The following CNTNAP4 variants were observed in gnomAD, a reference collection of about 807,000 sequenced individuals.
The protein encoded by CNTNAP4 is contactin associated protein family member 4.
In CNTNAP4, 98 loss-of-function variants were observed where a neutral mutation model predicts 148.4. The observed-to-expected ratio is 0.66, with a 90% CI of 0.56 to 0.78. CNTNAP4 has a LOEUF of 0.78. Among genes scored for constraint, CNTNAP4 ranks in the 30% least tolerant of loss-of-function variants. The pLI is 0.00. For synonymous variants in CNTNAP4, 730 were observed against 565.1 expected (o/e 1.29, Z -4.14); for missense variants, 1,935 against 1,565.6 (o/e 1.24, Z -3.98).
rs538499284 is a variant in CNTNAP4, at chr16:76,491,918, A to T, written c.2080+2035A>T. Among the ~76,000 whole-genome samples, 6 of 152,286 alleles carry T rather than the reference A, an allele frequency of 3.9e-5. No individual in the cohort carries two copies. In the South Asian group the frequency reaches 1.2e-3, roughly 32 times the overall value. ...TCAATGGACACTTAGGTTTTTCCGT[A>T]TCTTGGCTATTGTGAATAAAGCTGC... On this transcript the variant is annotated intron_variant, in intron 13 of 23. Transcript: ENST00000611870.
At chr16:76,418,417 C>A (rs1441019704) in intron 3 of CNTNAP4, among the ~76,000 whole-genome samples, 1 of 129,140 alleles carries the variant, frequency 7.7e-6, no homozygotes, top group East Asian at 2.1e-4. Flanking sequence ...TTTTATTATA[C>A]TTTAAGTTCT....
chr16:76,331,395 A>C (rs1316660130), intron 2 of CNTNAP4, among the ~76,000 whole-genome samples: 1 of 151,788 alleles, frequency 6.6e-6, no homozygotes, highest in Non-Finnish European at 1.5e-5. Flanking sequence ...TCACAGTGTT[A>C]GCCAGGATGG....
chr16:76,432,845 C>T (rs945327586), intron 4 of CNTNAP4, among the ~76,000 whole-genome samples: 20 of 152,132 alleles, frequency 1.3e-4, no homozygotes, highest in Admixed American at 9.2e-4. Flanking sequence ...GAACATCCAA[C>T]TGTCAAGCCA....
intron 3 of CNTNAP4, among the ~76,000 whole-genome samples, chr16:76,368,400 C>G (rs1429424375): frequency 1.3e-5 from 2 of 152,086 alleles, no homozygotes; most frequent in Admixed American, 6.6e-5. Flanking sequence ...GCACTATTCA[C>G]AATAGCAAAG....
At chr16:76,488,707 C>T (rs1341327304) in intron 12 of CNTNAP4, among the ~76,000 whole-genome samples, 1 of 152,150 alleles carries the variant, frequency 6.6e-6, no homozygotes, top group Admixed American at 6.5e-5. Context: ...GTTTTCTTGT[C>T]TACTAAATCA....
At chr16:76,481,777 G>A (rs1288707266) in intron 12 of CNTNAP4, among the ~76,000 whole-genome samples, 1 of 152,168 alleles carries the variant, frequency 6.6e-6, no homozygotes, top group Non-Finnish European at 1.5e-5. Flanking sequence ...TCGGGCAGAG[G>A]AAACAGAAAG....
At chr16:76,532,740 C>T (rs944272259) in intron 17 of CNTNAP4, among the ~76,000 whole-genome samples, 2 of 152,064 alleles carry the variant, frequency 1.3e-5, no homozygotes, top group African/African-American at 4.8e-5. Context: ...GGACCTTACC[C>T]AGGGAAGAAA....
chr16:76,548,295 CTTTTTTTT>C (rs66981960), intron 21 of CNTNAP4, among the ~76,000 whole-genome samples: 7 of 92,932 alleles, frequency 7.5e-5, no homozygotes, highest in Non-Finnish European at 1.2e-4. Context: ...TTCACTGCAC[CTTTTTTTT>C]TTTTTTTTTT....
chr16:76,536,184 A>G (rs1306517742), intron 18 of CNTNAP4, among the ~76,000 whole-genome samples: 1 of 152,050 alleles, frequency 6.6e-6, no homozygotes, highest in African/African-American at 2.4e-5. Context: ...AATCATTTAA[A>G]GCATTACTTT....
At chr16:76,435,092 A>G (rs1407289863) in intron 4 of CNTNAP4, among the ~76,000 whole-genome samples, 1 of 152,136 alleles carries the variant, frequency 6.6e-6, no homozygotes, top group Non-Finnish European at 1.5e-5. Context: ...TTAACAGCAT[A>G]CATTGTCAGT....
chr16:76,427,425 G>A (rs1471271367), intron 3 of CNTNAP4, 27 bp from the exon 4 acceptor site: 5 of 1,590,498 alleles, frequency 3.1e-6, no homozygotes, highest in Non-Finnish European at 4.3e-6. Flanking sequence ...CAGATACATT[G>A]ATGTGCTTCT....
At chr16:76,501,660 C>T (rs924141010) in intron 15 of CNTNAP4, among the ~76,000 whole-genome samples, 2 of 152,004 alleles carry the variant, frequency 1.3e-5, no homozygotes, top group Non-Finnish European at 2.9e-5. Context: ...ATGCATGAGA[C>T]GGCTCTCCAC....
chr16:76,482,165 T>C (rs1015776382), intron 12 of CNTNAP4, among the ~76,000 whole-genome samples: 1 of 152,100 alleles, frequency 6.6e-6, no homozygotes, highest in African/African-American at 2.4e-5. Flanking sequence ...TTGTACTTTA[T>C]AAGATACAAT....
chr16:76,424,596 A>G (rs955760210), intron 3 of CNTNAP4, among the ~76,000 whole-genome samples: 1 of 151,976 alleles, frequency 6.6e-6, no homozygotes, highest in Admixed American at 6.6e-5. Context: ...TCTAGTAAAA[A>G]TGCAGAAAAA....
intron 3 of CNTNAP4, among the ~76,000 whole-genome samples, chr16:76,388,268 G>T (rs2016678561): frequency 6.6e-6 from 1 of 152,172 alleles, no homozygotes; most frequent in Non-Finnish European, 1.5e-5. Flanking sequence ...GCATCGTGGA[G>T]TGCCAGGAAT....
chr16:76,317,494 T>G, intron 2 of CNTNAP4, among the ~76,000 whole-genome samples: 1 of 152,202 alleles, frequency 6.6e-6, no homozygotes, highest in East Asian at 1.9e-4. Flanking sequence ...CATCTGCACA[T>G]GCATTGGAGG....
intron 3 of CNTNAP4, among the ~76,000 whole-genome samples, chr16:76,391,697 T>G (rs1165020017): frequency 6.6e-6 from 1 of 152,200 alleles, no homozygotes; most frequent in East Asian, 1.9e-4. Flanking sequence ...GCCCTCCATG[T>G]GATGTTTGAT....
intron 2 of CNTNAP4, among the ~76,000 whole-genome samples, chr16:76,333,779 GTTT>G (rs549878036): frequency 3.5e-3 from 161 of 45,618 alleles, no homozygotes; most frequent in African/African-American, 9.9e-3. Flanking sequence ...TGGGTTATAG[GTTT>G]TTTTTTTTTT....
chr16:76,475,065 C>T lies in CNTNAP4; in HGVS notation c.1656-874C>T, dbSNP rs548763296. Among the ~76,000 whole-genome samples, 3 of 152,074 alleles carry T rather than the reference C, an allele frequency of 2.0e-5. No homozygotes were observed. The East Asian group carries it at 5.8e-4, about 29-fold the overall frequency. On this transcript the variant is annotated intron_variant, in intron 10 of 23. Coordinates refer to ENST00000611870, the MANE Select transcript of CNTNAP4 (RefSeq NM_033401.5). ...ATCCCAGCTACTCCAGAGGCTAAGG[C>T]AGGAGAATACAGGAGGCAGAACCCC...
Sources: allele counts gnomAD v4.1 joint callset (sites outside exome capture counted in the v4.1 genomes callset), GRCh38; gene constraint gnomAD v4.1.1; transcripts MANE v1.5; gene names NCBI Gene and HGNC (gene_info 2026-07-23, HGNC 2026-07-21).